The following POU6F2 variants were observed in gnomAD, a reference collection of about 807,000 sequenced individuals.
POU6F2 encodes POU class 6 homeobox 2.
A neutral mutation model predicts 71.3 loss-of-function variants in POU6F2; 31 were observed. That is an observed-to-expected ratio of 0.43 (90% CI 0.33 to 0.59). The LOEUF is 0.59. Ranked by LOEUF, POU6F2 falls within the 20% of genes least tolerant of loss-of-function variation. The pLI, the probability that POU6F2 is intolerant of heterozygous loss-of-function variation, is 0.04. For missense variants in POU6F2, 783 were observed against 856.8 expected, an observed-to-expected ratio of 0.91 and a Z score of 1.07; for synonymous variants, 347 against 355.7, an observed-to-expected ratio of 0.98 and a Z score of 0.27.
At chr7:39,185,474 G>A (rs1793514281) in intron 2 of POU6F2, among the ~76,000 whole-genome samples, 1 of 152,080 alleles carries the variant, frequency 6.6e-6, no homozygotes, top group South Asian at 2.1e-4. Flanking sequence ...GTTTATGAAG[G>A]ATATGTCTAA....
intron 4 of POU6F2, among the ~76,000 whole-genome samples, chr7:39,257,461 A>T (rs1455393842): frequency 2.6e-5 from 4 of 152,138 alleles, no homozygotes; most frequent in Admixed American, 2.6e-4. Context: ...TTTTCCTGTT[A>T]GCACATCTGA....
At chr7:39,337,333 C>A (rs1007851144) in intron 4 of POU6F2, among the ~76,000 whole-genome samples, 3 of 152,096 alleles carry the variant, frequency 2.0e-5, no homozygotes, top group African/African-American at 7.2e-5. Context: ...CCTTTCATAG[C>A]TGCTGTTTCT....
Position 39,061,310 on chromosome 7 carries a change from G to A in POU6F2, c.106-24550G>A, listed in dbSNP as rs541077626. On this transcript the variant is annotated intron_variant, in intron 1 of 9. Coordinates refer to ENST00000518318, the MANE Select transcript of POU6F2 (RefSeq NM_001370959.1). ...CAAGAAACATGCAGATATGTAGTTGGAAAAGGAAGGAGTATTTTGATAGCC... is the reference window on the plus strand; with the variant it reads ...CAAGAAACATGCAGATATGTAGTTGAAAAAGGAAGGAGTATTTTGATAGCC... 1.5e-3 allele frequency among the ~76,000 whole-genome samples: 225 copies of A among 152,218 alleles called. 1 individual carries two copies. Among genetic ancestry groups the A allele is most frequent in the African/African-American group, 5.3e-3 (219 of 41,540 alleles).
At chr7:39,164,699 G>T (rs1793074945) in intron 2 of POU6F2, among the ~76,000 whole-genome samples, 1 of 152,006 alleles carries the variant, frequency 6.6e-6, no homozygotes, top group South Asian at 2.1e-4. Context: ...GCCAGGGACA[G>T]AGCATGCTGG....
intron 6 of POU6F2, among the ~76,000 whole-genome samples, chr7:39,411,292 C>T (rs1243127303): frequency 6.6e-6 from 1 of 152,190 alleles, no homozygotes; most frequent in Non-Finnish European, 1.5e-5. Context: ...GATTTACTAT[C>T]GATTTGTTCA....
chr7:39,115,427 C>G (rs1791908723), intron 2 of POU6F2, among the ~76,000 whole-genome samples: 1 of 152,096 alleles, frequency 6.6e-6, no homozygotes, highest in African/African-American at 2.4e-5. Flanking sequence ...GGGCTCCAAA[C>G]AAGGTTGACT....
Position 39,416,090 on chromosome 7 carries a change from GCATACACACACACACACACACA to G in POU6F2, c.1113+9353_1113+9374del, listed in dbSNP as rs1406014729. Among the ~76,000 whole-genome samples the G allele has an allele frequency of 5.7e-5, 4 of 69,968 alleles. No homozygotes were observed. In the East Asian group the frequency reaches 1.3e-3, roughly 22 times the overall value. The allele number at this position is 69,968 out of a possible 152,430, so 45.9% of individuals were successfully genotyped here. On this transcript the variant is annotated intron_variant, in intron 6 of 9. Coordinates refer to ENST00000518318, the MANE Select transcript of POU6F2 (RefSeq NM_001370959.1). Reference sequence around the variant, plus strand: ...TCAACCTCACAGATTTCTCTCGAAGGCATACACACACACACACACACACACACACACACACACACACACACAC... The same window carrying G: ...TCAACCTCACAGATTTCTCTCGAAGGCACACACACACACACACACACACAC...
At position 39,464,168 on chromosome 7, in the gene POU6F2, AT is replaced by A; in HGVS notation, c.1659-10del. 1 of 1,610,504 alleles carries A rather than the reference AT, an allele frequency of 6.2e-7. No individual in the cohort carries two copies. ...CTCAGTGTAAGACTGTTCTTTCTCA[AT>A]TTTCCCCCCCAGACACACCATCCTG... On this transcript the variant is annotated splice_polypyrimidine_tract_variant and intron_variant, in intron 9 of 9. Coordinates refer to ENST00000518318, the MANE Select transcript of POU6F2 (RefSeq NM_001370959.1). The surrounding 1 kb of genome is among the most constrained non-coding windows in gnomAD (Gnocchi z 4.1).
chr7:39,217,109 T>TA (rs1794260133), intron 4 of POU6F2, among the ~76,000 whole-genome samples: 1 of 152,226 alleles, frequency 6.6e-6, no homozygotes, highest in African/African-American at 2.4e-5. Context: ...ACATAATTAC[T>TA]AGTGTTGCCA....
rs140877568 is a variant in POU6F2 at position 39,410,081 on chromosome 7, C to T, written c.1113+3341C>T. 2.2e-3 allele frequency among the ~76,000 whole-genome samples: 329 copies of T among 152,334 alleles called. 8 individuals are homozygous for T. The East Asian group carries it at 0.053, about 24-fold the overall frequency. ...ATAGAGTAGAGGCCAGGCATGGTGG[C>T]TCATGCCTATAATCCCAGCACTGTG... On this transcript the variant is annotated intron_variant, in intron 6 of 9. Coordinates refer to ENST00000518318, the MANE Select transcript of POU6F2 (RefSeq NM_001370959.1).
intron 1 of POU6F2, among the ~76,000 whole-genome samples, chr7:39,054,871 A>G (rs1339829730): frequency 6.6e-6 from 1 of 152,036 alleles, no homozygotes; most frequent in Non-Finnish European, 1.5e-5. Flanking sequence ...AGCACATGAA[A>G]AAAGCTGCAG....
At chr7:39,134,484 C>A (rs1414941480) in intron 2 of POU6F2, among the ~76,000 whole-genome samples, 4 of 152,212 alleles carry the variant, frequency 2.6e-5, no homozygotes, top group Non-Finnish European at 5.9e-5. Context: ...ATGCCAGTGA[C>A]AGTCTTTCTC....
intron 2 of POU6F2, among the ~76,000 whole-genome samples, chr7:39,151,691 A>G (rs16880017): frequency 0.017 from 2,623 of 152,246 alleles, 68 homozygotes; most frequent in African/African-American, 0.06. Flanking sequence ...GGCTTCTGAA[A>G]TGATTAGATT....
intron 5 of POU6F2, among the ~76,000 whole-genome samples, chr7:39,376,932 G>T (rs1786721588): frequency 7.0e-6 from 1 of 143,588 alleles, no homozygotes; most frequent in African/African-American, 2.5e-5. Flanking sequence ...TATTTATTTA[G>T]TATATTTTAA....
intron 4 of POU6F2, among the ~76,000 whole-genome samples, chr7:39,326,379 G>A (rs1014058724): frequency 2.6e-5 from 4 of 152,144 alleles, no homozygotes; most frequent in Non-Finnish European, 5.9e-5. Flanking sequence ...ACTCTGTAAG[G>A]AAAGAATACT....
chr7:39,135,872 G>T (rs1052334072), intron 2 of POU6F2, among the ~76,000 whole-genome samples: 12 of 152,082 alleles, frequency 7.9e-5, no homozygotes, highest in African/African-American at 1.9e-4. Flanking sequence ...GACATACCTT[G>T]GCAATCCAGG....
intron 1 of POU6F2, among the ~76,000 whole-genome samples, chr7:39,071,814 C>T (rs938974341): frequency 1.3e-5 from 2 of 152,126 alleles, no homozygotes; most frequent in Non-Finnish European, 2.9e-5. Context: ...TTGAGGTTGA[C>T]TATTTTTATA....
intron 4 of POU6F2, among the ~76,000 whole-genome samples, chr7:39,324,118 AAAG>A (rs1785459552): frequency 6.6e-6 from 1 of 152,078 alleles, no homozygotes; most frequent in South Asian, 2.1e-4. Context: ...AAAAAAAAAA[AAAG>A]AAAAAAAAAA....
At chr7:39,033,063 C>T (rs542902109) in intron 1 of POU6F2, among the ~76,000 whole-genome samples, 11 of 152,240 alleles carry the variant, frequency 7.2e-5, no homozygotes, top group Admixed American at 2.0e-4. Flanking sequence ...GGTCTCTGCC[C>T]AGGAGCAAAA....
Sources: gnomAD v4.1 joint callset for allele counts (sites outside exome capture counted in the v4.1 genomes callset) on GRCh38, gnomAD v4.1.1 for gene constraint, Gnocchi (gnomAD v3.1) non-coding constraint, MANE v1.5 for transcripts, NCBI Gene and HGNC (gene_info 2026-07-23, HGNC 2026-07-21) for gene names.